The following GRID1 variants were observed in gnomAD, a reference collection of about 807,000 sequenced individuals.
The protein encoded by GRID1 is glutamate receptor ionotropic, delta-1.
Under a neutral mutation model 98.0 loss-of-function variants are expected in GRID1, and 28 were observed. That is an observed-to-expected ratio of 0.29 (90% CI 0.21 to 0.39). GRID1 has a LOEUF of 0.39. GRID1 is among the 10% of genes least tolerant of loss of function. GRID1 has a pLI of 1.00. For synonymous variants in GRID1, 553 were observed against 538.5 expected (o/e 1.03, Z -0.37); for missense variants, 1,111 against 1,340.5 (o/e 0.83, Z 2.67).
intron 8 of GRID1, among the ~76,000 whole-genome samples, chr10:85,736,972 A>T (rs1468829780): frequency 6.6e-6 from 1 of 152,178 alleles, no homozygotes; most frequent in Non-Finnish European, 1.5e-5. Flanking sequence ...GAATCCCAGC[A>T]TATCAGAGCC....
At chr10:85,808,595 A>C (rs548772026) in intron 8 of GRID1, among the ~76,000 whole-genome samples, 4 of 152,358 alleles carry the variant, frequency 2.6e-5, no homozygotes, top group African/African-American at 9.6e-5. Context: ...AATGACTTTT[A>C]AGTGACACAT....
intron 4 of GRID1, among the ~76,000 whole-genome samples, chr10:85,999,548 T>C (rs930612197): frequency 2.6e-5 from 4 of 152,140 alleles, no homozygotes; most frequent in Non-Finnish European, 4.4e-5. Flanking sequence ...TGAACATAGA[T>C]ACAAAAAATT....
chr10:85,633,605 C>A (rs761594201), intron 13 of GRID1, among the ~76,000 whole-genome samples: 1 of 152,154 alleles, frequency 6.6e-6, no homozygotes, highest in African/African-American at 2.4e-5. Flanking sequence ...TTAATATTAA[C>A]GAACATCCCT....
At chr10:85,873,103 G>A (rs1007442758) in intron 5 of GRID1, among the ~76,000 whole-genome samples, 3 of 152,150 alleles carry the variant, frequency 2.0e-5, no homozygotes, top group South Asian at 2.1e-4. Flanking sequence ...TGCCACAGGG[G>A]TGAGTATAGG....
chr10:85,773,795 C>T (rs1842299398), intron 8 of GRID1, among the ~76,000 whole-genome samples: 1 of 152,138 alleles, frequency 6.6e-6, no homozygotes, highest in Non-Finnish European at 1.5e-5. Flanking sequence ...TCAAGGAGAA[C>T]TACAAACCAC....
chr10:85,702,874 G>C (rs963087637), intron 12 of GRID1, among the ~76,000 whole-genome samples: 4 of 150,918 alleles, frequency 2.7e-5, no homozygotes, highest in African/African-American at 9.8e-5. Flanking sequence ...AAGGGGAGGA[G>C]AAGGAGAAGG....
At chr10:85,626,085 G>A (rs986744714) in intron 13 of GRID1, among the ~76,000 whole-genome samples, 2 of 152,244 alleles carry the variant, frequency 1.3e-5, no homozygotes, top group African/African-American at 4.8e-5. Context: ...AAGCACAGAA[G>A]GAAGACAGGT....
chr10:85,837,934 C>A (rs1275210505), intron 8 of GRID1, among the ~76,000 whole-genome samples: 2 of 152,146 alleles, frequency 1.3e-5, no homozygotes, highest in Non-Finnish European at 2.9e-5. Context: ...ATTGCAGGAA[C>A]TGACAGACAA....
chr10:85,958,760 G>C (rs7919522), intron 4 of GRID1, among the ~76,000 whole-genome samples: 104,008 of 151,778 alleles, frequency 0.69, 35,934 homozygotes, highest in Middle Eastern at 0.79. Flanking sequence ...AAGTTCAAGA[G>C]CAGCCTGACC....
chr10:85,757,982 G>A (rs1437958942), intron 8 of GRID1, among the ~76,000 whole-genome samples: 2 of 152,190 alleles, frequency 1.3e-5, no homozygotes, highest in Admixed American at 1.3e-4. Flanking sequence ...TAACACTCCT[G>A]GCACAGCCTC....
At chr10:86,056,603 G>A (rs186651181) in intron 4 of GRID1, among the ~76,000 whole-genome samples, 196 of 152,310 alleles carry the variant, frequency 1.3e-3, no homozygotes, top group African/African-American at 4.5e-3. Context: ...AGCACAGACA[G>A]ATGGTAGGAC....
chr10:86,356,531 C>T (rs1484111826), intron 2 of GRID1, among the ~76,000 whole-genome samples: 2 of 152,184 alleles, frequency 1.3e-5, no homozygotes, highest in African/African-American at 4.8e-5. Context: ...AGGCTGAGCC[C>T]CCCAGAGCTC....
At position 85,681,278 on chromosome 10, in the gene GRID1, C is replaced by T. The variant is rs567805194; in HGVS notation, c.1998-33881G>A. On this transcript the variant is annotated intron_variant, in intron 12 of 15. Transcript: ENST00000327946. ...GGAAAAGAGCAAAGGAACTCTGAATCGGGTTCTCTGGCACCTTTTTCATGT... is the reference window on the plus strand; with the variant it reads ...GGAAAAGAGCAAAGGAACTCTGAATTGGGTTCTCTGGCACCTTTTTCATGT... 4.7e-4 allele frequency among the ~76,000 whole-genome samples: 71 copies of T among 152,224 alleles called. 1 individual carries two copies. Among genetic ancestry groups the T allele is most frequent in the Non-Finnish European group, 7.6e-4 (52 of 68,014 alleles).
At chr10:85,986,833 T>A (rs934526049) in intron 4 of GRID1, among the ~76,000 whole-genome samples, 4 of 152,190 alleles carry the variant, frequency 2.6e-5, no homozygotes, top group African/African-American at 9.7e-5. Flanking sequence ...AGAGCTTCCT[T>A]CTCTTATGAA....
In GRID1 at chr10:85,602,249, T is replaced by A. The variant is rs763011593; in HGVS notation, c.*24A>T. On this transcript the variant is annotated 3_prime_UTR_variant, in exon 16 of 16. Coordinates refer to ENST00000327946, the MANE Select transcript of GRID1 (RefSeq NM_017551.3). ...TCTGCTGGTCGGGTGGGTGGGAGGG[T>A]GGGCAGGAGGGCAGGCGGCGCAGTC... is the stretch of plus-strand genomic sequence containing the variant. 1 of 987,354 alleles carries A rather than the reference T, an allele frequency of 1.0e-6. No homozygotes were observed. Among genetic ancestry groups the A allele is most frequent in the Admixed American group, 5.6e-5 (1 of 17,950 alleles). 61.2% of individuals were successfully genotyped at this position (987,354 alleles called of 1,614,324 possible).
intron 2 of GRID1, among the ~76,000 whole-genome samples, chr10:86,352,332 C>T (rs1479574998): frequency 6.6e-6 from 1 of 152,194 alleles, no homozygotes; most frequent in Non-Finnish European, 1.5e-5. Context: ...CCAGGGTTTG[C>T]TCACAGCCCT....
intron 6 of GRID1, among the ~76,000 whole-genome samples, chr10:85,866,628 C>T (rs1480996092): frequency 6.6e-6 from 1 of 152,108 alleles, no homozygotes; most frequent in Non-Finnish European, 1.5e-5. Flanking sequence ...AGATACTCAA[C>T]TGTACTGCTA....
At chr10:85,874,285 T>C (rs957032399) in intron 5 of GRID1, among the ~76,000 whole-genome samples, 6 of 152,224 alleles carry the variant, frequency 3.9e-5, no homozygotes, top group Non-Finnish European at 8.8e-5. Flanking sequence ...TATTTTTTCA[T>C]TTTTCCTTTT....
At chr10:86,096,700 C>T (rs554108539) in intron 4 of GRID1, among the ~76,000 whole-genome samples, 2 of 152,330 alleles carry the variant, frequency 1.3e-5, no homozygotes, top group South Asian at 4.1e-4. Context: ...CCATGTTACC[C>T]ATCATCTTGA....
Sources: gnomAD v4.1 joint callset for allele counts (sites outside exome capture counted in the v4.1 genomes callset) on GRCh38, gnomAD v4.1.1 for gene constraint, MANE v1.5 for transcripts, NCBI Gene and HGNC (gene_info 2026-07-23, HGNC 2026-07-21) for gene names.